PIP5K1A: variants seen among roughly 807,000 people sequenced by gnomAD.
PIP5K1A encodes the protein phosphatidylinositol-4-phosphate 5-kinase type 1 alpha.
A neutral mutation model predicts 72.9 loss-of-function variants in PIP5K1A; 46 were observed. The observed-to-expected ratio is 0.63, with a 90% CI of 0.50 to 0.81. PIP5K1A has a LOEUF of 0.81. Ranked by LOEUF, PIP5K1A falls within the 30% of genes least tolerant of loss-of-function variation. The pLI, the probability that PIP5K1A is intolerant of heterozygous loss-of-function variation, is 0.00. For synonymous variants in PIP5K1A, 228 were observed against 255.1 expected (o/e 0.89, Z 1.01); for missense variants, 458 against 706.1 (o/e 0.65, Z 3.98).
intron 5 of PIP5K1A, 90 bp from the exon 6 acceptor site, chr1:151,232,158 A>T (rs587668543): frequency 2.4e-6 from 2 of 850,360 alleles, no homozygotes; most frequent in Admixed American, 3.5e-5. Flanking sequence ...CACTCCCCCC[A>T]CCATGAGGTG....
chr1:151,217,582 A>T (rs1687823476), intron 1 of PIP5K1A, among the ~76,000 whole-genome samples: 1 of 151,856 alleles, frequency 6.6e-6, no homozygotes, highest in Admixed American at 6.6e-5. Context: ...TTAATGTATT[A>T]ATTTATTTAT....
At chr1:151,232,024 A>G (rs587597326) in intron 5 of PIP5K1A, among the ~76,000 whole-genome samples, 4 of 152,254 alleles carry the variant, frequency 2.6e-5, no homozygotes, top group African/African-American at 4.8e-5. Context: ...AAAACAACCT[A>G]ATGCATTGGA....
intron 15 of PIP5K1A, 43 bp from the exon 16 acceptor site, chr1:151,247,820 A>C: frequency 1.3e-6 from 2 of 1,544,184 alleles, no homozygotes; most frequent in Non-Finnish European, 1.8e-6. Context: ...TTTCTGCTTA[A>C]TCTCATACTC....
intron 10 of PIP5K1A, chr1:151,238,553 C>A: frequency 2.7e-6 from 1 of 374,216 alleles, no homozygotes; most frequent in Non-Finnish European, 5.0e-6. Context: ...CTGTCTGGCT[C>A]TTTGCAAAAA....
intron 1 of PIP5K1A, among the ~76,000 whole-genome samples, chr1:151,206,592 GT>G (rs1463975479): frequency 1.3e-5 from 2 of 152,122 alleles, no homozygotes. Context: ...TTGAGGCGGA[GT>G]TTCACTCTTT....
chr1:151,219,329 C>T lies in PIP5K1A; in HGVS notation c.86-4916C>T, dbSNP rs187483497. On this transcript the variant is annotated intron_variant, in intron 1 of 15. Coordinates refer to ENST00000368888, the MANE Select transcript of PIP5K1A (RefSeq NM_001135638.2). ...CCAGGAGGCAGAGGTTGCAGTGAGC[C>T]GACATCGTGCCACTGCACTCCAGCC... is the stretch of plus-strand genomic sequence containing the variant. Among the ~76,000 whole-genome samples the T allele has an allele frequency of 6.0e-4, 89 of 147,706 alleles. 1 individual carries two copies. The East Asian group carries it at 9.5e-3, about 16-fold the overall frequency.
chr1:151,238,073 T>C, intron 9 of PIP5K1A, 109 bp from the exon 10 acceptor site: 3 of 684,042 alleles, frequency 4.4e-6, no homozygotes, highest in Non-Finnish European at 8.0e-6. Flanking sequence ...TTATCTGACC[T>C]TCTGGTTTAT....
At chr1:151,240,165 C>T in intron 12 of PIP5K1A, 126 bp downstream of exon 12, 1 of 702,016 alleles carries the variant, frequency 1.4e-6, no homozygotes, top group Non-Finnish European at 2.5e-6. Flanking sequence ...CCACCTACAT[C>T]CCATGAGAGC....
At chr1:151,200,026 C>T (rs1684998883) in intron 1 of PIP5K1A, among the ~76,000 whole-genome samples, 1 of 151,844 alleles carries the variant, frequency 6.6e-6, no homozygotes, top group African/African-American at 2.4e-5. Flanking sequence ...AACTGCCCAA[C>T]TTTGGGAAGG....
upstream of PIP5K1A, chr1:151,198,214 AT>A: frequency 2.4e-6 from 1 of 415,660 alleles, no homozygotes. Context: ...ATGTTTTGTG[AT>A]ATTCGACACC....
Position 151,227,216 on chromosome 1 carries a change from A to G in PIP5K1A, c.157-104A>G, listed in dbSNP as rs1689281183. 4.3e-6 allele frequency: 3 copies of G among 690,120 alleles called. 1 individual carries two copies. In the South Asian group the frequency reaches 5.1e-5, roughly 12 times the overall value. The allele number at this position is 690,120 out of a possible 1,614,324, so 42.7% of individuals were successfully genotyped here. On this transcript the variant is annotated intron_variant, in intron 3 of 15. Transcript: ENST00000368888. ...AGATTTTGTAAAATGTTTTTAATCT[A>G]GAAAGAATATGTTGTTTCAGTTTAT... is the stretch of plus-strand genomic sequence containing the variant.
At chr1:151,196,059 G>A (rs1684547170), upstream of PIP5K1A, among the ~76,000 whole-genome samples, 1 of 151,292 alleles carries the variant, frequency 6.6e-6, no homozygotes, top group Non-Finnish European at 1.5e-5. Context: ...CAACTCACCC[G>A]GCTAATTTTT....
intron 1 of PIP5K1A, among the ~76,000 whole-genome samples, chr1:151,219,381 CAAAAA>C (rs1179510165): frequency 1.5e-5 from 1 of 67,206 alleles, no homozygotes. Flanking sequence ...ACTCTCGTCT[CAAAAA>C]AAAAAAAAAA....
chr1:151,215,892 G>T (rs1044609002), intron 1 of PIP5K1A: 10 of 778,328 alleles, frequency 1.3e-5, no homozygotes, highest in Non-Finnish European at 2.0e-5. Flanking sequence ...TTAAAAACAT[G>T]TATGCTTATC....
At chr1:151,221,431 A>G (rs1173076516) in intron 1 of PIP5K1A, among the ~76,000 whole-genome samples, 1 of 152,202 alleles carries the variant, frequency 6.6e-6, no homozygotes, top group Non-Finnish European at 1.5e-5. Flanking sequence ...ATTAACCTAT[A>G]TACCCACCCT....
intron 1 of PIP5K1A, among the ~76,000 whole-genome samples, chr1:151,218,250 A>G (rs1014070805): frequency 6.6e-6 from 1 of 152,176 alleles, no homozygotes; most frequent in South Asian, 2.1e-4. Context: ...TAATCTCCCT[A>G]AAAGAAAGGT....
chr1:151,229,919 T>TAA (rs587775070), intron 4 of PIP5K1A, among the ~76,000 whole-genome samples: 2 of 147,050 alleles, frequency 1.4e-5, no homozygotes, highest in Admixed American at 6.8e-5. Flanking sequence ...CCATCTCTAC[T>TAA]AAAAAAAAAA....
intron 10 of PIP5K1A, among the ~76,000 whole-genome samples, 190 bp from the exon 11 acceptor site, chr1:151,238,940 A>C (rs1407906107): frequency 3.3e-5 from 5 of 152,198 alleles, no homozygotes; most frequent in Admixed American, 3.3e-4. Context: ...CCTAGAAACA[A>C]CATTGGTCTC....
rs1692800090 is a variant in PIP5K1A, at chr1:151,248,506, G to C, written c.*641G>C. On this transcript the variant is annotated 3_prime_UTR_variant, in exon 16 of 16. Transcript: ENST00000368888. Reference sequence around the variant, plus strand: ...CTATTCGTAGAGTTCCCTCAGAAGAGCCATGGTGTTTATGAAGAGAAGAGT... The same window carrying C: ...CTATTCGTAGAGTTCCCTCAGAAGACCCATGGTGTTTATGAAGAGAAGAGT... 1 of 152,400 alleles carries C rather than the reference G, an allele frequency of 6.6e-6. No homozygotes were observed. Among genetic ancestry groups the C allele is most frequent in the Non-Finnish European group, 1.5e-5 (1 of 68,052 alleles). 9.4% of individuals were successfully genotyped at this position (152,400 alleles called of 1,614,324 possible). A position where few individuals can be genotyped will look rare whatever the true frequency, so the allele number is the denominator to read the frequency against.
Sources: allele counts gnomAD v4.1 joint callset (sites outside exome capture counted in the v4.1 genomes callset), GRCh38; gene constraint gnomAD v4.1.1; transcripts MANE v1.5; gene names NCBI Gene and HGNC (gene_info 2026-07-23, HGNC 2026-07-21).